PTPRD: variants seen among roughly 807,000 people sequenced by gnomAD.
PTPRD encodes protein tyrosine phosphatase receptor type D.
In PTPRD, 34 loss-of-function variants were observed where a neutral mutation model predicts 214.5. The observed-to-expected ratio is 0.16, with a 90% CI of 0.12 to 0.21. PTPRD has a LOEUF of 0.21. Ranked by LOEUF, PTPRD falls within the 10% of genes least tolerant of loss-of-function variation. The pLI is 1.00. For synonymous variants in PTPRD, 1,128 were observed against 845.7 expected (o/e 1.33, Z -5.79); for missense variants, 2,545 against 2,398.7 (o/e 1.06, Z -1.27).
In PTPRD at chr9:9,725,567, G is replaced by T. The variant is rs147217280; in HGVS notation, c.-287+8966C>A. 1.7e-3 allele frequency among the ~76,000 whole-genome samples: 253 copies of T among 152,186 alleles called. 1 individual carries two copies. The highest frequency in any genetic ancestry group is 5.7e-3 in the African/African-American group (236 of 41,536). ...CTTCCTCTGTCTACATTCAGGGCTTGCTTAATAAGTTGGTTCTCCTTATCT... is the reference window on the plus strand; with the variant it reads ...CTTCCTCTGTCTACATTCAGGGCTTTCTTAATAAGTTGGTTCTCCTTATCT... On this transcript the variant is annotated intron_variant, in intron 7 of 45. Transcript: ENST00000381196.
At chr9:10,265,817 G>T (rs139213048) in intron 3 of PTPRD, among the ~76,000 whole-genome samples, 1 of 152,284 alleles carries the variant, frequency 6.6e-6, no homozygotes, top group East Asian at 1.9e-4. Flanking sequence ...AAACCTAACT[G>T]ATACTTTGAT....
chr9:10,377,863 C>G lies in PTPRD; in HGVS notation c.-599-36846G>C, dbSNP rs537757665. Among the ~76,000 whole-genome samples the G allele has an allele frequency of 2.0e-5, 3 of 152,168 alleles. No individual in the cohort carries two copies. The East Asian group carries it at 5.8e-4, about 30-fold the overall frequency. On this transcript the variant is annotated intron_variant, in intron 2 of 45. Coordinates refer to ENST00000381196, the MANE Select transcript of PTPRD (RefSeq NM_002839.4). ...TTGGCTACTGTGAACAGTGCTGCAA[C>G]AAACATGGAAGTGCAGAGATCTCAT...
intron 3 of PTPRD, among the ~76,000 whole-genome samples, chr9:10,237,912 G>C (rs1260642487): frequency 6.6e-6 from 1 of 151,788 alleles, no homozygotes; most frequent in Admixed American, 6.6e-5. Flanking sequence ...TTTCTGAAGA[G>C]CTTCTGAGAG....
At chr9:8,520,095 C>G (rs2097858755) in intron 20 of PTPRD, among the ~76,000 whole-genome samples, 1 of 152,146 alleles carries the variant, frequency 6.6e-6, no homozygotes, top group African/African-American at 2.4e-5. Context: ...CCCTACATGT[C>G]TTTCTGAACT....
At chr9:9,368,994 G>C (rs1210688031) in intron 9 of PTPRD, among the ~76,000 whole-genome samples, 1 of 151,906 alleles carries the variant, frequency 6.6e-6, no homozygotes, top group African/African-American at 2.4e-5. Flanking sequence ...TCCCATCTAT[G>C]AGTGAGAACA....
Position 9,859,131 on chromosome 9 carries a change from C to T in PTPRD, c.-368+79376G>A, listed in dbSNP as rs2083667642. On this transcript the variant is annotated intron_variant, in intron 5 of 45. Transcript: ENST00000381196. Reference sequence around the variant, plus strand: ...GCACTCCCCCATGCTCACACGCACACTCTCTCTCTTCTACTGCCTTGTGAA... The same window carrying T: ...GCACTCCCCCATGCTCACACGCACATTCTCTCTCTTCTACTGCCTTGTGAA... 1.3e-5 allele frequency among the ~76,000 whole-genome samples: 2 copies of T among 152,194 alleles called. 1 individual carries two copies. The highest frequency in any genetic ancestry group is 2.9e-5 in the Non-Finnish European group (2 of 68,038).
chr9:9,246,677 G>T (rs184537565), intron 9 of PTPRD, among the ~76,000 whole-genome samples: 3 of 152,076 alleles, frequency 2.0e-5, no homozygotes, highest in Non-Finnish European at 1.5e-5. Flanking sequence ...CCTCACTTTG[G>T]AGTAAGCCCA....
Position 8,318,341 on chromosome 9 carries a change from C to G in PTPRD, c.5671-399G>C, listed in dbSNP as rs1823579866. On this transcript the variant is annotated intron_variant, in intron 45 of 45. Transcript: ENST00000381196. Reference sequence around the variant, plus strand: ...CTGCTTATTCAAGATAACTAATTCTCAGTTTAAATATTTAAGAGAGGCTGA... The same window carrying G: ...CTGCTTATTCAAGATAACTAATTCTGAGTTTAAATATTTAAGAGAGGCTGA... Among the ~76,000 whole-genome samples, 3 of 152,162 alleles carry G rather than the reference C, an allele frequency of 2.0e-5. No homozygotes were observed. In the South Asian group the frequency reaches 6.2e-4, roughly 32 times the overall value.
chr9:8,749,156 T>G (rs2093245239), intron 11 of PTPRD, among the ~76,000 whole-genome samples: 3 of 152,148 alleles, frequency 2.0e-5, no homozygotes, highest in Admixed American at 2.0e-4. Context: ...AGGGGCCCAT[T>G]GCCCTAGATA....
At chr9:8,568,041 G>A (rs944944183) in intron 14 of PTPRD, among the ~76,000 whole-genome samples, 7 of 152,082 alleles carry the variant, frequency 4.6e-5, no homozygotes, top group Non-Finnish European at 7.4e-5. Flanking sequence ...CTCCTAGTAT[G>A]TATCAGAGGC....
At chr9:8,774,823 T>C (rs953627870) in intron 11 of PTPRD, among the ~76,000 whole-genome samples, 1 of 152,112 alleles carries the variant, frequency 6.6e-6, no homozygotes, top group African/African-American at 2.4e-5. Context: ...CATGAGCCAC[T>C]GCGCCCAGCC....
intron 7 of PTPRD, among the ~76,000 whole-genome samples, chr9:9,624,733 G>A (rs375389353): frequency 2.6e-5 from 4 of 151,820 alleles, no homozygotes; most frequent in South Asian, 2.1e-4. Flanking sequence ...TTATCAAACA[G>A]ATGCAGATCT....
At position 8,926,802 on chromosome 9, in the gene PTPRD, C is replaced by T. The variant is rs146425179; in HGVS notation, c.-104+91895G>A. Among the ~76,000 whole-genome samples, 190 of 152,318 alleles carry T rather than the reference C, an allele frequency of 1.2e-3. 2 individuals are homozygous for T. In the Middle Eastern group the frequency reaches 0.027, roughly 22 times the overall value. ...TTGATAATTCTTTCTGAAAACATCT[C>T]TAAGCATCTTCTAAACCATTTGAAA... On this transcript the variant is annotated intron_variant, in intron 11 of 45. Coordinates refer to ENST00000381196, the MANE Select transcript of PTPRD (RefSeq NM_002839.4).
At chr9:9,772,910 T>C (rs528563711) in intron 5 of PTPRD, among the ~76,000 whole-genome samples, 39 of 152,288 alleles carry the variant, frequency 2.6e-4, no homozygotes, top group African/African-American at 5.5e-4. Context: ...CTGACAAACA[T>C]TGATGTATTC....
At chr9:10,420,858 A>C (rs1357595671) in intron 2 of PTPRD, among the ~76,000 whole-genome samples, 1 of 151,488 alleles carries the variant, frequency 6.6e-6, no homozygotes, top group Non-Finnish European at 1.5e-5. Flanking sequence ...ATTCTTTATA[A>C]GTTATTGTAA....
At chr9:9,049,578 AT>A (rs143145487) in intron 10 of PTPRD, among the ~76,000 whole-genome samples, 14,610 of 151,086 alleles carry the variant, frequency 0.097, 734 homozygotes, top group Middle Eastern at 0.11. Flanking sequence ...TCAAAAAGTC[AT>A]TTTTTTTTAG....
chr9:8,373,421 A>C (rs1046583307), intron 39 of PTPRD, among the ~76,000 whole-genome samples: 1 of 151,974 alleles, frequency 6.6e-6, no homozygotes, highest in African/African-American at 2.4e-5. Flanking sequence ...GTTGCTAACA[A>C]ATTTCTTCCA....
At chr9:8,431,155 G>C (rs1252007446) in intron 35 of PTPRD, among the ~76,000 whole-genome samples, 1 of 152,176 alleles carries the variant, frequency 6.6e-6, no homozygotes, top group African/African-American at 2.4e-5. Context: ...ACAACAAACA[G>C]TCAATTAGAT....
chr9:9,211,517 A>ACG (rs1331387640), intron 9 of PTPRD, among the ~76,000 whole-genome samples: 113 of 14,952 alleles, frequency 7.6e-3, no homozygotes, highest in African/African-American at 0.025. Context: ...GTGCGCACGC[A>ACG]CACACACACA....
Sources: allele counts gnomAD v4.1 joint callset (sites outside exome capture counted in the v4.1 genomes callset), GRCh38; gene constraint gnomAD v4.1.1; transcripts MANE v1.5; gene names NCBI Gene and HGNC (gene_info 2026-07-23, HGNC 2026-07-21).